Variants in EMC10 observed in about 807,000 individuals in gnomAD.
The protein encoded by EMC10 is UPF0510 protein INM02.
A neutral mutation model predicts 32.2 loss-of-function variants in EMC10; 40 were observed. The ratio of observed to expected loss-of-function variants is 1.24; its 90% CI spans 0.96 to 1.61. The LOEUF (loss-of-function observed/expected upper bound fraction) is 1.61, where lower values mean the gene tolerates loss of function less well. Among genes scored for constraint, EMC10 ranks in the 40% most tolerant of loss-of-function variants. EMC10 has a pLI of 0.00. For synonymous variants in EMC10, 178 were observed against 158.4 expected (o/e 1.12, Z -0.93); for missense variants, 402 against 357.7 (o/e 1.12, Z -1.00).
intron 1 of EMC10, 81 bp from the exon 2 acceptor site, chr19:50,477,848 T>A: frequency 1.8e-6 from 2 of 1,099,392 alleles, no homozygotes; most frequent in African/African-American, 1.6e-5. Context: ...CCCACCAGTC[T>A]GTCTGTCCTG....
In EMC10 at chr19:50,482,975, G is replaced by A. The variant is rs1430063810; in HGVS notation, c.*716G>A. 1.4e-5 allele frequency: 8 copies of A among 584,190 alleles called. No homozygotes were observed. Among genetic ancestry groups the A allele is most frequent in the Non-Finnish European group, 2.5e-5 (8 of 321,922 alleles). The allele number at this position is 584,190 out of a possible 1,614,324, so 36.2% of individuals were successfully genotyped here. A position where few individuals can be genotyped will look rare whatever the true frequency, so the allele number is the denominator to read the frequency against. ...TTTAAGAAAGAAAACAAAACCAACA[G>A]TTAGTGGAGTCAAAGCCCAGACACT... is the stretch of plus-strand genomic sequence containing the variant. On this transcript the variant is annotated 3_prime_UTR_variant, in exon 7 of 7. Transcript: ENST00000334976.
Position 50,484,776 on chromosome 19 carries a change from A to T in EMC10, c.*2517A>T, listed in dbSNP as rs1175122321. The T allele has an allele frequency of 6.6e-6, 1 of 152,188 alleles. No homozygotes were observed. The highest frequency in any genetic ancestry group is 6.6e-5 in the Admixed American group (1 of 15,260). The allele number at this position is 152,188 out of a possible 1,614,324, so 9.4% of individuals were successfully genotyped here. A position where few individuals can be genotyped will look rare whatever the true frequency, so the allele number is the denominator to read the frequency against. On this transcript the variant is annotated 3_prime_UTR_variant, in exon 7 of 7. Transcript: ENST00000334976. Reference sequence around the variant, plus strand: ...GAGCCCCAGAGTTCGATGCTTCCTGAGCTGTGATTGAATCACTTTACTCCA... The same window carrying T: ...GAGCCCCAGAGTTCGATGCTTCCTGTGCTGTGATTGAATCACTTTACTCCA...
At chr19:50,478,139 G>T in intron 2 of EMC10, 138 bp downstream of exon 2, 1 of 700,334 alleles carries the variant, frequency 1.4e-6, no homozygotes. Context: ...TTAGGGGAAA[G>T]TGGGACATGA....
Position 50,480,510 on chromosome 19 carries a change from G to A in EMC10, c.403-71G>A. 1.4e-5 allele frequency: 21 copies of A among 1,504,008 alleles called. No individual in the cohort carries two copies. The highest frequency in any genetic ancestry group is 1.8e-5 in the Non-Finnish European group (20 of 1,116,948). 93.2% of individuals were successfully genotyped at this position (1,504,008 alleles called of 1,614,324 possible). A position where few individuals can be genotyped will look rare whatever the true frequency, so the allele number is the denominator to read the frequency against. ...AAATGCTCCGGGGGTCCTGTGGTGG[G>A]GGCCGGGGGAGGTTAGGGTGGAGCC... On this transcript the variant is annotated intron_variant, in intron 4 of 6. Transcript: ENST00000334976. The surrounding 1 kb of genome is among the most constrained non-coding windows in gnomAD (Gnocchi z 4.4).
intron 3 of EMC10, among the ~76,000 whole-genome samples, chr19:50,479,592 T>C (rs2122658630): frequency 6.6e-6 from 1 of 152,276 alleles, no homozygotes; most frequent in African/African-American, 2.4e-5. Flanking sequence ...TAGAGAAAGC[T>C]TGCAAAAGCT....
At chr19:50,481,925 C>A in intron 6 of EMC10, 1 of 1,605,428 alleles carries the variant, frequency 6.2e-7, no homozygotes. Flanking sequence ...CCAGGGCCCG[C>A]GCCACCGCCA....
rs953380956 is a variant in EMC10, at chr19:50,476,614, C to G, written c.70C>G (p.Arg24Gly). ...GCTGATGGCGGTAGCAGCGCCCAGT[C>G]GAGCCCGGGGCAGCGGCTGCCGGGC... ...LLLMAVAAPS[R>G]ARGSGCRAGT... Residue 24 changes from arginine to glycine, a missense_variant, in exon 1 of 7, where the codon CGA becomes GGA. Arg to Gly is a moderately radical substitution (Grantham distance 125). Coordinates refer to ENST00000334976, the MANE Select transcript of EMC10 (RefSeq NM_206538.4). 1.9e-6 allele frequency: 3 copies of G among 1,560,824 alleles called. No homozygotes were observed. Among genetic ancestry groups the G allele is most frequent in the African/African-American group, 2.7e-5 (2 of 73,218 alleles).
rs2122680149 is a variant in EMC10, at chr19:50,489,680, G to A, written c.*7421G>A. ...ACCCCGGGGCCATCTCTGTGACCCA[G>A]GGAGAGAAAGGACAACGAATGGGAC... On this transcript the variant is annotated 3_prime_UTR_variant, in exon 7 of 7. Transcript: ENST00000334976. 2 of 152,660 alleles carry A rather than the reference G, an allele frequency of 1.3e-5. No individual in the cohort carries two copies. Among genetic ancestry groups the A allele is most frequent in the Non-Finnish European group, 2.9e-5 (2 of 68,242 alleles). 9.5% of individuals were successfully genotyped at this position (152,660 alleles called of 1,614,324 possible).
At chr19:50,478,904 G>T in intron 2 of EMC10, 53 bp from the exon 3 acceptor site, 2 of 1,426,468 alleles carry the variant, frequency 1.4e-6, no homozygotes, top group Non-Finnish European at 1.9e-6. Flanking sequence ...GCCCCTGCCT[G>T]GGTTGAAGGG....
chr19:50,482,941 A>G lies in EMC10; in HGVS notation c.*682A>G. On this transcript the variant is annotated 3_prime_UTR_variant, in exon 7 of 7. Coordinates refer to ENST00000334976, the MANE Select transcript of EMC10 (RefSeq NM_206538.4). ...GCCCTCCACAGGCTTCCAGACTTGA[A>G]GGAAAAGGTTTAAGAAAGAAAACAA... is the stretch of plus-strand genomic sequence containing the variant. The G allele has an allele frequency of 1.8e-6, 1 of 566,360 alleles. No homozygotes were observed. Among genetic ancestry groups the G allele is most frequent in the Non-Finnish European group, 3.1e-6 (1 of 318,276 alleles). The allele number at this position is 566,360 out of a possible 1,614,324, so 35.1% of individuals were successfully genotyped here. A position where few individuals can be genotyped will look rare whatever the true frequency, so the allele number is the denominator to read the frequency against.
At chr19:50,481,097 G>T in intron 6 of EMC10, 120 bp downstream of exon 6, 1 of 718,886 alleles carries the variant, frequency 1.4e-6, no homozygotes. Flanking sequence ...TGTCCTCCGG[G>T]CCTCCTGTGT....
chr19:50,482,285 C>A lies in EMC10; in HGVS notation c.*26C>A. 2.1e-6 allele frequency: 2 copies of A among 956,046 alleles called. No homozygotes were observed. Among genetic ancestry groups the A allele is most frequent in the African/African-American group, 1.6e-5 (1 of 62,154 alleles). 59.2% of individuals were successfully genotyped at this position (956,046 alleles called of 1,614,324 possible). Reference sequence around the variant, plus strand: ...GGGCCCAGGCTGGTCAGCGTCCCGTCTTGCACACCCAGGGGCCTCCCTTTC... The same window carrying A: ...GGGCCCAGGCTGGTCAGCGTCCCGTATTGCACACCCAGGGGCCTCCCTTTC... On this transcript the variant is annotated 3_prime_UTR_variant, in exon 7 of 7. Coordinates refer to ENST00000334976, the MANE Select transcript of EMC10 (RefSeq NM_206538.4).
rs1015462231 is a variant in EMC10 at position 50,488,656 on chromosome 19, G to GAGAGCTAGGAACTGGGAAGGAAA, written c.*6408_*6430dup. 2.0e-5 allele frequency: 3 copies of GAGAGCTAGGAACTGGGAAGGAAA among 151,842 alleles called. No individual in the cohort carries two copies. Among genetic ancestry groups the GAGAGCTAGGAACTGGGAAGGAAA allele is most frequent in the African/African-American group, 7.3e-5 (3 of 41,160 alleles). The allele number at this position is 151,842 out of a possible 1,614,324, so 9.4% of individuals were successfully genotyped here. A position where few individuals can be genotyped will look rare whatever the true frequency, so the allele number is the denominator to read the frequency against. On this transcript the variant is annotated 3_prime_UTR_variant, in exon 7 of 7. Transcript: ENST00000334976. ...GCCAGAGAAGAGGAAAGAGAAAGGAGAGAGCTAGGAACTGGGAAGGAAAAG... is the reference window on the plus strand; with the variant it reads ...GCCAGAGAAGAGGAAAGAGAAAGGAGAGAGCTAGGAACTGGGAAGGAAAAGAGCTAGGAACTGGGAAGGAAAAG...
intron 2 of EMC10, among the ~76,000 whole-genome samples, chr19:50,478,342 G>A (rs886227602): frequency 1.3e-5 from 2 of 152,200 alleles, no homozygotes; most frequent in African/African-American, 2.4e-5. Context: ...GTAGGTATTC[G>A]TGTCAGCCCC....
In EMC10 at chr19:50,478,956, G is replaced by A; in HGVS notation, c.188-1G>A. The A allele has an allele frequency of 6.2e-7, 1 of 1,603,390 alleles. No homozygotes were observed. The highest frequency in any genetic ancestry group is 8.5e-7 in the Non-Finnish European group (1 of 1,175,600). The stretch of plus-strand genomic sequence containing the variant: ...CGTCTCTGAACCTGAGCTCCTCACA[G>A]ATGACAGTGCCAACTTCCGGAAGCG... On this transcript the variant is annotated splice_acceptor_variant, in intron 2 of 6. Transcript: ENST00000334976. LOFTEE classifies it high-confidence loss of function.
chr19:50,482,088 ACCT>A, intron 6 of EMC10, 58 bp from the exon 7 acceptor site: 1 of 1,395,052 alleles, frequency 7.2e-7, no homozygotes, highest in Non-Finnish European at 1.0e-6. Context: ...GCCCACACTC[ACCT>A]CCTTCCCCTC....
In EMC10 at chr19:50,486,648, C is replaced by T. The variant is rs1978367570; in HGVS notation, c.*4389C>T. The stretch of plus-strand genomic sequence containing the variant: ...CAAAGGAAACAAACTCAATTTGGCC[C>T]ATTTCCTGGAAATGCAATCTCCCAA... On this transcript the variant is annotated 3_prime_UTR_variant, in exon 7 of 7. Transcript: ENST00000334976. 6.6e-6 allele frequency: 1 copy of T among 152,136 alleles called. No homozygotes were observed. The highest frequency in any genetic ancestry group is 6.5e-5 in the Admixed American group (1 of 15,268). 9.4% of individuals were successfully genotyped at this position (152,136 alleles called of 1,614,324 possible). A position where few individuals can be genotyped will look rare whatever the true frequency, so the allele number is the denominator to read the frequency against.
rs1978562502 is a variant in EMC10 at position 50,490,160 on chromosome 19, G to A, written c.*7901G>A. 6.8e-6 allele frequency: 1 copy of A among 146,900 alleles called. No homozygotes were observed. The highest frequency in any genetic ancestry group is 1.5e-5 in the Non-Finnish European group (1 of 67,352). 9.1% of individuals were successfully genotyped at this position (146,900 alleles called of 1,614,324 possible). On this transcript the variant is annotated 3_prime_UTR_variant, in exon 7 of 7. Transcript: ENST00000334976. Reference sequence around the variant, plus strand: ...GACGGAGTCTTGCTGTGTTGCCCAAGCTAGAGTGCAGTGGCGCGATCTCGG... The same window carrying A: ...GACGGAGTCTTGCTGTGTTGCCCAAACTAGAGTGCAGTGGCGCGATCTCGG...
Position 50,488,620 on chromosome 19 carries a change from G to C in EMC10, c.*6361G>C, listed in dbSNP as rs971383779. The C allele has an allele frequency of 2.0e-5, 3 of 150,492 alleles. No homozygotes were observed. The highest frequency in any genetic ancestry group is 2.9e-5 in the Non-Finnish European group (2 of 67,872). 9.3% of individuals were successfully genotyped at this position (150,492 alleles called of 1,614,324 possible). A position where few individuals can be genotyped will look rare whatever the true frequency, so the allele number is the denominator to read the frequency against. ...CCGGGAGAGGGAGGGATGGAGGAGCGGGGAGCTCCAGCCAGAGAAGAGGAA... is the reference window on the plus strand; with the variant it reads ...CCGGGAGAGGGAGGGATGGAGGAGCCGGGAGCTCCAGCCAGAGAAGAGGAA... On this transcript the variant is annotated 3_prime_UTR_variant, in exon 7 of 7. Coordinates refer to ENST00000334976, the MANE Select transcript of EMC10 (RefSeq NM_206538.4).
Sources: allele counts gnomAD v4.1 joint callset (sites outside exome capture counted in the v4.1 genomes callset), GRCh38; gene constraint gnomAD v4.1.1; non-coding constraint Gnocchi (gnomAD v3.1); transcripts MANE v1.5; gene names NCBI Gene and HGNC (gene_info 2026-07-23, HGNC 2026-07-21).